Variants in NME7 observed in about 807,000 individuals in gnomAD.
NME7 encodes the protein NME/NM23 family member 7.
In NME7, 41 loss-of-function variants were observed where a neutral mutation model predicts 49.1. The observed-to-expected ratio is 0.83, with a 90% CI of 0.65 to 1.08. The LOEUF (loss-of-function observed/expected upper bound fraction) is 1.08, where lower values mean the gene tolerates loss of function less well. Among genes scored for constraint, NME7 ranks in the 50% least tolerant of loss-of-function variants. The pLI is 0.00. For missense variants in NME7, 423 were observed against 463.4 expected (o/e 0.91, Z 0.80); for synonymous variants, 139 against 150.6 (o/e 0.92, Z 0.56).
rs577138601 is a variant in NME7, at chr1:169,209,475, T to C, written c.990+21243A>G. Reference sequence around the variant, plus strand: ...CATCTATAGTAAATAAACTATGTACTTGCTTGTGCCCATGTCCAAATTACC... The same window carrying C: ...CATCTATAGTAAATAAACTATGTACCTGCTTGTGCCCATGTCCAAATTACC... On this transcript the variant is annotated intron_variant, in intron 10 of 11. Coordinates refer to ENST00000367811, the MANE Select transcript of NME7 (RefSeq NM_013330.5). Among the ~76,000 whole-genome samples, 15 of 152,246 alleles carry C rather than the reference T, an allele frequency of 9.9e-5. No homozygotes were observed. In the South Asian group the frequency reaches 2.7e-3, roughly 27 times the overall value.
chr1:169,250,905 TG>T (rs1558007257), intron 7 of NME7, among the ~76,000 whole-genome samples: 1 of 152,078 alleles, frequency 6.6e-6, no homozygotes, highest in African/African-American at 2.4e-5. Context: ...TATGGTCTAT[TG>T]TGGAGAATGT....
At chr1:169,147,500 C>T (rs1464141347) in intron 11 of NME7, among the ~76,000 whole-genome samples, 1 of 152,184 alleles carries the variant, frequency 6.6e-6, no homozygotes, top group African/African-American at 2.4e-5. Flanking sequence ...GTTTCAGTTA[C>T]TCATCTGTAA....
At chr1:169,139,868 G>A (rs538720195) in intron 11 of NME7, among the ~76,000 whole-genome samples, 4 of 152,296 alleles carry the variant, frequency 2.6e-5, no homozygotes, top group African/African-American at 9.6e-5. Flanking sequence ...ACAGACGTGA[G>A]AACCAAATGC....
chr1:169,252,260 G>A (rs1648664027), intron 7 of NME7, among the ~76,000 whole-genome samples: 1 of 151,562 alleles, frequency 6.6e-6, no homozygotes, highest in African/African-American at 2.4e-5. Context: ...ATTCTAACTG[G>A]TGTGAGATGG....
intron 9 of NME7, among the ~76,000 whole-genome samples, chr1:169,232,341 T>C (rs114426084): frequency 6.6e-6 from 1 of 151,112 alleles, no homozygotes; most frequent in South Asian, 2.1e-4. Flanking sequence ...GTCTATTATA[T>C]GTGTAATTAG....
At chr1:169,346,510 C>A (rs1652955015) in intron 1 of NME7, among the ~76,000 whole-genome samples, 1 of 152,232 alleles carries the variant, frequency 6.6e-6, no homozygotes, top group Non-Finnish European at 1.5e-5. Flanking sequence ...GTATCATCAT[C>A]TTCTCCACAA....
intron 7 of NME7, among the ~76,000 whole-genome samples, chr1:169,258,405 T>TATATATACACACAC (rs1422519342): frequency 4.4e-5 from 3 of 68,802 alleles, no homozygotes; most frequent in African/African-American, 1.6e-4. Flanking sequence ...TATATATATA[T>TATATATACACACAC]ACACACACAC....
chr1:169,322,656 GGTC>G (rs1355269204), intron 3 of NME7, among the ~76,000 whole-genome samples: 1 of 146,464 alleles, frequency 6.8e-6, no homozygotes, highest in African/African-American at 2.5e-5. Context: ...TTGATCCGTT[GGTC>G]AACATCTATT....
In NME7 at chr1:169,207,381, T is replaced by TG. The variant is rs569347390; in HGVS notation, c.990+23336dup. The stretch of plus-strand genomic sequence containing the variant: ...GAGAATCACATTTCAATATGAGATT[T>TG]GGGGGAGTCAAGCAAACCAAACTAG... On this transcript the variant is annotated intron_variant, in intron 10 of 11. Coordinates refer to ENST00000367811, the MANE Select transcript of NME7 (RefSeq NM_013330.5). 2.7e-3 allele frequency among the ~76,000 whole-genome samples: 407 copies of TG among 152,122 alleles called. 1 individual carries two copies. The highest frequency in any genetic ancestry group is 0.015 in the South Asian group (73 of 4,824).
At position 169,298,778 on chromosome 1, in the gene NME7, G is replaced by C. The variant is rs368658353; in HGVS notation, c.441-15C>G. 28 of 1,604,618 alleles carry C rather than the reference G, an allele frequency of 1.7e-5. No individual in the cohort carries two copies. The East Asian group carries it at 6.0e-4, about 35-fold the overall frequency. ...GGATCAGCTCACTACAAAACAGATA[G>C]AAGATTAGTTTGCTTCTTTTTTCTG... On this transcript the variant is annotated splice_polypyrimidine_tract_variant and intron_variant, in intron 5 of 11. Transcript: ENST00000367811.
chr1:169,336,023 G>T, intron 1 of NME7, among the ~76,000 whole-genome samples: 1 of 151,862 alleles, frequency 6.6e-6, no homozygotes, highest in East Asian at 1.9e-4. Context: ...CTCTTAAGGT[G>T]GCGCATCCGG....
intron 6 of NME7, among the ~76,000 whole-genome samples, chr1:169,296,944 C>A (rs996117948): frequency 6.6e-6 from 1 of 151,880 alleles, no homozygotes; most frequent in African/African-American, 2.4e-5. Flanking sequence ...TGATTAGGCT[C>A]CCTGTTGCTG....
chr1:169,160,056 A>C (rs1659200457), intron 11 of NME7, among the ~76,000 whole-genome samples: 1 of 151,948 alleles, frequency 6.6e-6, no homozygotes, highest in Admixed American at 6.6e-5. Context: ...CCATGGCCAC[A>C]CCCTGAATCA....
chr1:169,251,717 C>T (rs1280316356), intron 7 of NME7, among the ~76,000 whole-genome samples: 4 of 113,512 alleles, frequency 3.5e-5, no homozygotes, highest in Admixed American at 2.0e-4. Flanking sequence ...CCCCTCCCCC[C>T]ACCCCACAAC....
chr1:169,262,704 CA>C (rs1328609163), intron 7 of NME7, among the ~76,000 whole-genome samples: 2 of 133,418 alleles, frequency 1.5e-5, no homozygotes, highest in African/African-American at 5.1e-5. Context: ...TGACAGCCCC[CA>C]GGGGGACTCA....
chr1:169,170,096 G>C (rs1659537573), intron 10 of NME7, among the ~76,000 whole-genome samples: 2 of 152,320 alleles, frequency 1.3e-5, no homozygotes, highest in South Asian at 4.1e-4. Context: ...CAATGAATTT[G>C]AGCTCCTAGT....
chr1:169,337,747 AAC>A (rs1652537721), intron 1 of NME7, among the ~76,000 whole-genome samples: 1 of 152,208 alleles, frequency 6.6e-6, no homozygotes, highest in Non-Finnish European at 1.5e-5. Flanking sequence ...TAGAAATAAA[AAC>A]ACAAGGAAAA....
At chr1:169,166,911 G>A (rs1309953641) in intron 11 of NME7, among the ~76,000 whole-genome samples, 1 of 152,220 alleles carries the variant, frequency 6.6e-6, no homozygotes, top group Middle Eastern at 3.2e-3. Flanking sequence ...GGCGGAGGTT[G>A]CAGTGAGCCG....
chr1:169,317,708 T>C (rs1571384037), intron 3 of NME7, among the ~76,000 whole-genome samples: 1 of 152,318 alleles, frequency 6.6e-6, no homozygotes, highest in Non-Finnish European at 1.5e-5. Context: ...ATCTGGTCTG[T>C]TCCCCGAGAA....
Sources: allele counts gnomAD v4.1 joint callset (sites outside exome capture counted in the v4.1 genomes callset), GRCh38; gene constraint gnomAD v4.1.1; transcripts MANE v1.5; gene names NCBI Gene and HGNC (gene_info 2026-07-23, HGNC 2026-07-21).